Variants in DOCK2 observed in about 807,000 individuals in gnomAD.
The protein encoded by DOCK2 is dedicator of cytokinesis 2, also known as dedicator of cytokinesis protein 2.
Under a neutral mutation model 248.9 loss-of-function variants are expected in DOCK2, and 87 were observed. The observed-to-expected ratio is 0.35, with a 90% CI of 0.29 to 0.42. The LOEUF (loss-of-function observed/expected upper bound fraction) is 0.42. Ranked by LOEUF, DOCK2 falls within the 10% of genes least tolerant of loss-of-function variation. The probability of loss-of-function intolerance (pLI) is 1.00; values close to 1 mark genes in which losing one functional copy is unlikely to be tolerated. For synonymous variants in DOCK2, 805 were observed against 821.6 expected, an observed-to-expected ratio of 0.98 and a Z score of 0.35; for missense variants, 1,747 against 2,300.2, an observed-to-expected ratio of 0.76 and a Z score of 4.92.
intron 27 of DOCK2, among the ~76,000 whole-genome samples, chr5:169,905,787 CT>C (rs1298596902): frequency 6.6e-6 from 1 of 152,194 alleles, no homozygotes; most frequent in Non-Finnish European, 1.5e-5. Context: ...GCGATTGGTC[CT>C]CTGTCCTTTT....
chr5:170,052,286 G>C (rs1211971167), intron 41 of DOCK2, among the ~76,000 whole-genome samples: 1 of 152,170 alleles, frequency 6.6e-6, no homozygotes, highest in Non-Finnish European at 1.5e-5. Context: ...GTGGTGGGCT[G>C]GGCTGGTTAC....
intron 5 of DOCK2, among the ~76,000 whole-genome samples, chr5:169,673,011 G>A (rs1439553365): frequency 1.3e-5 from 2 of 152,156 alleles, no homozygotes; most frequent in African/African-American, 4.8e-5. Context: ...CCCCTCAAAT[G>A]TTATTAACCA....
At chr5:169,639,517 A>G (rs1379248549) in intron 1 of DOCK2, among the ~76,000 whole-genome samples, 3 of 152,192 alleles carry the variant, frequency 2.0e-5, no homozygotes, top group Non-Finnish European at 4.4e-5. Flanking sequence ...GGCTCATTCT[A>G]TATCTCACAC....
At chr5:169,729,969 A>G (rs1242751789) in intron 22 of DOCK2, among the ~76,000 whole-genome samples, 1 of 151,998 alleles carries the variant, frequency 6.6e-6, no homozygotes, top group Admixed American at 6.6e-5. Flanking sequence ...TTATATTTAT[A>G]TTTTGGAGGT....
intron 1 of DOCK2, among the ~76,000 whole-genome samples, chr5:169,642,479 G>A (rs1757204153): frequency 6.6e-6 from 1 of 152,190 alleles, no homozygotes; most frequent in Non-Finnish European, 1.5e-5. Context: ...AGGCCTCTCA[G>A]GAGCAATGGG....
chr5:170,042,694 T>G (rs1024009390), intron 38 of DOCK2, among the ~76,000 whole-genome samples: 1 of 152,200 alleles, frequency 6.6e-6, no homozygotes, highest in Admixed American at 6.5e-5. Context: ...AGATGTCACA[T>G]GCTAGGGAGG....
chr5:169,640,664 G>C (rs1238966092), intron 1 of DOCK2, among the ~76,000 whole-genome samples: 1 of 152,220 alleles, frequency 6.6e-6, no homozygotes, highest in Non-Finnish European at 1.5e-5. Context: ...GAATCTAATG[G>C]AAGATAAAGG....
intron 26 of DOCK2, among the ~76,000 whole-genome samples, chr5:169,826,044 T>A (rs1303804449): frequency 6.6e-6 from 1 of 151,978 alleles, no homozygotes; most frequent in Non-Finnish European, 1.5e-5. Flanking sequence ...AGATGTAAAG[T>A]AGTTTAGACA....
At chr5:169,802,578 G>T in intron 25 of DOCK2, among the ~76,000 whole-genome samples, 1 of 152,038 alleles carries the variant, frequency 6.6e-6, no homozygotes, top group African/African-American at 2.4e-5. Flanking sequence ...AAATATTAGT[G>T]AGTGAAAAAA....
chr5:169,931,091 G>A (rs1775728264), intron 27 of DOCK2, among the ~76,000 whole-genome samples: 1 of 152,190 alleles, frequency 6.6e-6, no homozygotes, highest in Admixed American at 6.5e-5. Context: ...TTGCTTGACT[G>A]GTTGACTCAT....
At chr5:169,982,996 A>G (rs2113785369) in intron 27 of DOCK2, 72 bp from the exon 28 acceptor site, 1 of 1,444,134 alleles carries the variant, frequency 6.9e-7, no homozygotes, top group East Asian at 2.3e-5. Flanking sequence ...CCATAAGGAG[A>G]CATTTTCTCA....
At chr5:169,819,791 C>G (rs1417283960) in intron 26 of DOCK2, among the ~76,000 whole-genome samples, 1 of 152,196 alleles carries the variant, frequency 6.6e-6, no homozygotes. Context: ...GTGGGGGCAG[C>G]ACACCGAGCG....
intron 27 of DOCK2, among the ~76,000 whole-genome samples, chr5:169,940,640 C>A (rs569372976): frequency 6.6e-6 from 1 of 152,168 alleles, no homozygotes; most frequent in Admixed American, 6.5e-5. Context: ...ATAAGGAGCA[C>A]GCAACTTAGA....
At chr5:169,881,560 CACGGCCA>C (rs1772650247) in intron 27 of DOCK2, 3 of 730,694 alleles carry the variant, frequency 4.1e-6, no homozygotes, top group South Asian at 1.6e-5. Context: ...TCTGAAGTTG[CACGGCCA>C]TTACAAATAA....
In DOCK2 at chr5:169,684,220, A is replaced by C; in HGVS notation, c.631A>C (p.Met211Leu). 6.2e-7 allele frequency: 1 copy of C among 1,614,126 alleles called. No homozygotes were observed. Among genetic ancestry groups the C allele is most frequent in the Non-Finnish European group, 8.5e-7 (1 of 1,180,000 alleles). ...GTCAAAAGACCAGCCAGATTATGCA[A>C]TGTATTCCCGGATCTCCTCATCCCC... ...EMSKDQPDYA[M>L]YSRISSSPTH... Residue 211 changes from methionine (M) to leucine (L), a missense_variant, in exon 8 of 52, where the codon ATG becomes CTG. Met to Leu is a conservative substitution (Grantham distance 15). Around this residue, in one of 4 missense-constraint regions of DOCK2, gnomAD observed 375 missense variants for 510.9 expected, o/e 0.73. Transcript: ENST00000520908.
intron 7 of DOCK2, among the ~76,000 whole-genome samples, chr5:169,682,534 T>G (rs1759723543): frequency 6.6e-6 from 1 of 152,228 alleles, no homozygotes; most frequent in African/African-American, 2.4e-5. Flanking sequence ...GGAAAAGAGT[T>G]GTGATGTTAT....
intron 22 of DOCK2, among the ~76,000 whole-genome samples, chr5:169,729,603 G>A (rs535826105): frequency 6.6e-6 from 1 of 152,212 alleles, no homozygotes; most frequent in Non-Finnish European, 1.5e-5. Flanking sequence ...TCTATGCTAG[G>A]AGACTCTAGT....
chr5:169,966,076 T>G (rs913458540), intron 27 of DOCK2, among the ~76,000 whole-genome samples: 1 of 152,208 alleles, frequency 6.6e-6, no homozygotes, highest in Non-Finnish European at 1.5e-5. Context: ...TCTGCCAATC[T>G]CGAAATGGCA....
chr5:169,677,977 C>T (rs1408443955), intron 6 of DOCK2, among the ~76,000 whole-genome samples: 3 of 152,202 alleles, frequency 2.0e-5, no homozygotes, highest in African/African-American at 4.8e-5. Flanking sequence ...ACCTGGAGCA[C>T]AGACTGGTGC....
Sources: allele counts gnomAD v4.1 joint callset (sites outside exome capture counted in the v4.1 genomes callset), GRCh38; gene constraint gnomAD v4.1.1; regional missense constraint gnomAD v4.1.1; transcripts MANE v1.5; gene names NCBI Gene and HGNC (gene_info 2026-07-23, HGNC 2026-07-21).